The following COL5A1 variants were observed in gnomAD, a reference collection of about 807,000 sequenced individuals.
COL5A1 encodes collagen type V alpha 1 chain.
COL5A1 carries 16 observed loss-of-function variants against 263.7 expected under a neutral mutation model. That is an observed-to-expected ratio of 0.06 (90% CI 0.04 to 0.09). The LOEUF is 0.09. Among genes scored for constraint, COL5A1 ranks in the 10% least tolerant of loss-of-function variants. The pLI is 1.00. For missense variants in COL5A1, 2,036 were observed against 2,540.5 expected, an observed-to-expected ratio of 0.80 and a Z score of 4.27; for synonymous variants, 1,012 against 1,004.5, an observed-to-expected ratio of 1.01 and a Z score of -0.14.
chr9:134,806,191 A>G lies in COL5A1; in HGVS notation c.3261A>G (p.Gly1087=), dbSNP rs1838290589. 1 of 1,549,594 alleles carries G rather than the reference A, an allele frequency of 6.5e-7. No homozygotes were observed. The highest frequency in any genetic ancestry group is 2.0e-5 in the Admixed American group (1 of 50,968). Residue 1087 remains glycine, a splice_region_variant and synonymous_variant, in exon 42 of 66, where the codon GGA becomes GGG. Transcript: ENST00000371817. ...ACTGTTTTCTTGCTCCACCTCAGGG[A>G]TCTCCAGGGGAGAGAGGTCCAGCTG... ...EGPPGPPGPA[G]SPGERGPAGA...
rs529155171 is a variant in COL5A1 at position 134,784,553 on chromosome 9, G to A, written c.2485-436G>A. ...TTATGCCCAGGTAACTGCCCCATCCGGGGCTGGGGTCCACTTCCATACCTC... is the reference window on the plus strand; with the variant it reads ...TTATGCCCAGGTAACTGCCCCATCCAGGGCTGGGGTCCACTTCCATACCTC... On this transcript the variant is annotated intron_variant, in intron 29 of 65. Coordinates refer to ENST00000371817, the MANE Select transcript of COL5A1 (RefSeq NM_000093.5). 1.9e-3 allele frequency among the ~76,000 whole-genome samples: 293 copies of A among 152,342 alleles called. 1 individual carries two copies. The highest frequency in any genetic ancestry group is 6.8e-3 in the Middle Eastern group (2 of 294).
At chr9:134,721,709 A>G (rs574202825) in intron 4 of COL5A1, among the ~76,000 whole-genome samples, 7 of 152,326 alleles carry the variant, frequency 4.6e-5, no homozygotes, top group Non-Finnish European at 8.8e-5. Flanking sequence ...GGTGGCACAG[A>G]AGGAGCGCTA....
At position 134,730,404 on chromosome 9, in the gene COL5A1, G is replaced by A. The variant is rs1420950002; in HGVS notation, c.1093G>A (p.Asp365Asn). The change falls in exon 7 of 66, where the codon GAC (aspartate) becomes AAC (asparagine). Residue 365 changes from aspartate (D) to asparagine (N), a missense_variant. Asp to Asn is a conservative substitution (Grantham distance 23). Coordinates refer to ENST00000371817, the MANE Select transcript of COL5A1 (RefSeq NM_000093.5). ...LTYGEGEENP[D>N]QPTDPGAGAE... ...CTATGGCGAGGGGGAGGAGAACCCCGACCAGCCCACAGACCCAGGCGCTGG... is the reference window on the plus strand; with the variant it reads ...CTATGGCGAGGGGGAGGAGAACCCCAACCAGCCCACAGACCCAGGCGCTGG... 1 of 1,614,024 alleles carries A rather than the reference G, an allele frequency of 6.2e-7. No individual in the cohort carries two copies.
rs377488010 is a variant in COL5A1, at chr9:134,731,634, C to G, written c.1303C>G (p.Pro435Ala). Residue 435 changes from proline to alanine, a missense_variant, in exon 8 of 66, where the codon CCG becomes GCG. Around this residue, in one of 3 missense-constraint regions of COL5A1, gnomAD observed 600 missense variants for 634.5 expected, o/e 0.95. Transcript: ENST00000371817. ...CCCGTCGGAGATCGGGCCGGGAATG[C>G]CGGCGAACCAGGATACCATCTATGA... ...SSPSEIGPGMPANQDTIYEGI... is the reference protein window; with the variant it reads ...SSPSEIGPGMAANQDTIYEGI... 168 of 1,613,810 alleles carry G rather than the reference C, an allele frequency of 1.0e-4. No homozygotes were observed. Among genetic ancestry groups the G allele is most frequent in the Non-Finnish European group, 1.4e-4 (161 of 1,179,966 alleles).
At chr9:134,784,905 C>A in intron 29 of COL5A1, 84 bp from the exon 30 acceptor site, 1 of 1,187,494 alleles carries the variant, frequency 8.4e-7, no homozygotes, top group East Asian at 2.4e-5. Context: ...GACCTGTCCC[C>A]TTGCTCCTTG....
intron 27 of COL5A1, among the ~76,000 whole-genome samples, chr9:134,777,855 G>A (rs539060266): frequency 7.2e-5 from 11 of 152,360 alleles, no homozygotes; most frequent in African/African-American, 2.6e-4. Context: ...GGGCAGGGAG[G>A]GGCAGCTGGA....
At chr9:134,691,157 C>T (rs1393140030) in intron 2 of COL5A1, 78 bp downstream of exon 2, 8 of 1,574,098 alleles carry the variant, frequency 5.1e-6, no homozygotes, top group Non-Finnish European at 6.1e-6. Flanking sequence ...GCGCTCAAGC[C>T]TGCGTGGTGG....
intron 65 of COL5A1, among the ~76,000 whole-genome samples, chr9:134,840,952 G>A (rs374518176): frequency 9.2e-5 from 14 of 152,312 alleles, no homozygotes; most frequent in South Asian, 8.3e-4. Flanking sequence ...TCAAGGCCAC[G>A]CCCTCCCCAT....
intron 4 of COL5A1, among the ~76,000 whole-genome samples, chr9:134,722,835 A>T (rs1834511355): frequency 6.6e-6 from 1 of 152,208 alleles, no homozygotes; most frequent in South Asian, 2.1e-4. Context: ...AGAAAGAGGG[A>T]GAGGGAGGTG....
intron 1 of COL5A1, among the ~76,000 whole-genome samples, chr9:134,675,639 G>T (rs188737232): frequency 6.6e-6 from 1 of 152,200 alleles, no homozygotes; most frequent in Admixed American, 6.5e-5. Context: ...GTTTGTTGGG[G>T]ACCCTTTGTG....
chr9:134,759,222 A>C (rs1352121977), intron 18 of COL5A1, among the ~76,000 whole-genome samples: 10 of 145,024 alleles, frequency 6.9e-5, no homozygotes, highest in East Asian at 4.6e-4. Flanking sequence ...GCACACACAC[A>C]CCCACACATA....
intron 5 of COL5A1, among the ~76,000 whole-genome samples, 178 bp downstream of exon 5, chr9:134,727,575 A>G (rs1267128320): frequency 6.6e-6 from 1 of 152,230 alleles, no homozygotes; most frequent in African/African-American, 2.4e-5. Flanking sequence ...AGCACTGCCC[A>G]GAATGATAGG....
At chr9:134,820,245 G>T (rs147858663) in intron 58 of COL5A1, 22 bp downstream of exon 58, 414 of 1,586,062 alleles carry the variant, frequency 2.6e-4, no homozygotes, top group Middle Eastern at 1.8e-3. Context: ...GGCACTTCTT[G>T]CATGTGGGCT....
Position 134,758,287 on chromosome 9 carries a change from G to T in COL5A1, c.1926G>T (p.Lys642Asn), listed in dbSNP as rs918992441. ...GCCTGGCTGGGTTGCCAGGCGAGAA[G>T]GGCCACAGGGTGAGTATTTCCTCTG... ...FDGLAGLPGE[K>N]GHRGDPGPSG... is the part of the protein sequence containing the mutation. Residue 642 changes from lysine (K) to asparagine (N), a missense_variant, in exon 18 of 66, where the codon AAG becomes AAT. Physicochemically the swap from Lys to Asn is moderately conservative, Grantham distance 94. This residue lies in a region of COL5A1 where 1,078 missense variants were observed against 1,521.4 expected (regional missense o/e 0.71). Transcript: ENST00000371817. This position sits in a 1 kb window ranked among gnomAD's most constrained non-coding sequence, Gnocchi z 4.1. The T allele has an allele frequency of 6.2e-7, 1 of 1,614,060 alleles. No homozygotes were observed. Among genetic ancestry groups the T allele is most frequent in the African/African-American group, 1.3e-5 (1 of 75,046 alleles).
chr9:134,655,801 C>G (rs1271754277), intron 1 of COL5A1, among the ~76,000 whole-genome samples: 1 of 152,146 alleles, frequency 6.6e-6, no homozygotes, highest in African/African-American at 2.4e-5. Flanking sequence ...GGGTGCTGTG[C>G]CCACCAGGCT....
rs1003341884 is a variant in COL5A1, at chr9:134,642,729, G to A, written c.109+433G>A. On this transcript the variant is annotated intron_variant, in intron 1 of 65. Coordinates refer to ENST00000371817, the MANE Select transcript of COL5A1 (RefSeq NM_000093.5). This position sits in a 1 kb window ranked among gnomAD's most constrained non-coding sequence, Gnocchi z 4.5. ...CTAGAGTTACAGCCCTTCAAATCCCGGGACTCCTGGGGATGGGGGGAATCC... is the reference window on the plus strand; with the variant it reads ...CTAGAGTTACAGCCCTTCAAATCCCAGGACTCCTGGGGATGGGGGGAATCC... Among the ~76,000 whole-genome samples, 2 of 152,206 alleles carry A rather than the reference G, an allele frequency of 1.3e-5. No homozygotes were observed. The highest frequency in any genetic ancestry group is 4.8e-5 in the African/African-American group (2 of 41,454).
At chr9:134,733,636 C>T (rs1834986556) in intron 9 of COL5A1, among the ~76,000 whole-genome samples, 1 of 152,218 alleles carries the variant, frequency 6.6e-6, no homozygotes, top group African/African-American at 2.4e-5. Flanking sequence ...AACCTCAGAG[C>T]CAGGCCTGGG....
chr9:134,783,528 C>G (rs905268411), intron 29 of COL5A1, among the ~76,000 whole-genome samples: 7 of 152,178 alleles, frequency 4.6e-5, no homozygotes, highest in African/African-American at 1.7e-4. Flanking sequence ...CAGAAGGAAC[C>G]GAAGACGCCT....
At chr9:134,782,883 G>C (rs1460251634) in intron 29 of COL5A1, among the ~76,000 whole-genome samples, 163 bp downstream of exon 29, 1 of 152,086 alleles carries the variant, frequency 6.6e-6, no homozygotes, top group African/African-American at 2.4e-5. Context: ...GGAGCCCAGG[G>C]CCCGACTCTC....
Sources: gnomAD v4.1 joint callset for allele counts (sites outside exome capture counted in the v4.1 genomes callset) on GRCh38, gnomAD v4.1.1 for gene constraint, gnomAD v4.1.1 regional missense constraint, Gnocchi (gnomAD v3.1) non-coding constraint, MANE v1.5 for transcripts, NCBI Gene and HGNC (gene_info 2026-07-23, HGNC 2026-07-21) for gene names.